The following AFG2A variants were observed in gnomAD, a reference collection of about 807,000 sequenced individuals.
The protein encoded by AFG2A is AAA ATPase AFG2A.
the AFG2A span, among the ~76,000 whole-genome samples, chr4:122,932,057 A>C: frequency 6.6e-6 from 1 of 151,790 alleles, no homozygotes; most frequent in South Asian, 2.1e-4. Context: ...GCCTGAACTT[A>C]GGAGTTCGAG....
the AFG2A span, among the ~76,000 whole-genome samples, chr4:123,043,692 A>C: frequency 6.6e-6 from 1 of 152,320 alleles, no homozygotes; most frequent in South Asian, 2.1e-4. Flanking sequence ...AAGATTAAGA[A>C]ACAAAAAGAA....
chr4:123,241,468 C>T, the AFG2A span, among the ~76,000 whole-genome samples: 2 of 151,396 alleles, frequency 1.3e-5, no homozygotes, highest in Non-Finnish European at 1.5e-5. Context: ...GGATGCAAGG[C>T]TGTTTCAACA....
chr4:123,220,314 T>G, the AFG2A span, among the ~76,000 whole-genome samples: 3 of 152,052 alleles, frequency 2.0e-5, no homozygotes, highest in Non-Finnish European at 2.9e-5. Flanking sequence ...CAAGTAATGC[T>G]TCTAATAAAA....
At chr4:123,250,528 C>G in the AFG2A span, among the ~76,000 whole-genome samples, 1 of 152,060 alleles carries the variant, frequency 6.6e-6, no homozygotes, top group Non-Finnish European at 1.5e-5. Flanking sequence ...GAATTATTTG[C>G]AAAATTGGGA....
chr4:123,001,245 C>CA, the AFG2A span, among the ~76,000 whole-genome samples: 1 of 151,978 alleles, frequency 6.6e-6, no homozygotes. Context: ...TTCATCCTTC[C>CA]AAAAACCAGC....
chr4:122,990,350 T>C, the AFG2A span, among the ~76,000 whole-genome samples: 1 of 152,222 alleles, frequency 6.6e-6, no homozygotes, highest in African/African-American at 2.4e-5. Context: ...TACTCTTTCT[T>C]GCAAAAACTC....
chr4:123,052,807 A>G, the AFG2A span, among the ~76,000 whole-genome samples: 1,848 of 152,304 alleles, frequency 0.012, 42 homozygotes, highest in African/African-American at 0.041. Context: ...CTGAGGAGCA[A>G]TGAAACCAGT....
the AFG2A span, among the ~76,000 whole-genome samples, chr4:123,070,885 T>G: frequency 6.6e-6 from 1 of 152,100 alleles, no homozygotes; most frequent in Non-Finnish European, 1.5e-5. Flanking sequence ...CAATGAAGGT[T>G]TATTGGTTTT....
the AFG2A span, among the ~76,000 whole-genome samples, chr4:123,211,780 C>G: frequency 4.6e-5 from 7 of 152,026 alleles, no homozygotes; most frequent in Non-Finnish European, 1.0e-4. Context: ...CTTCCTGGAC[C>G]TAGAAGAGTA....
the AFG2A span, among the ~76,000 whole-genome samples, chr4:122,979,773 C>T: frequency 6.6e-6 from 1 of 152,132 alleles, no homozygotes; most frequent in Non-Finnish European, 1.5e-5. Context: ...TGGTGGTGTA[C>T]ACCTGTAGTC....
chr4:123,168,649 A>C, the AFG2A span, among the ~76,000 whole-genome samples: 1 of 152,168 alleles, frequency 6.6e-6, no homozygotes, highest in African/African-American at 2.4e-5. Flanking sequence ...AATATTTCAG[A>C]TATATTAGTA....
At chr4:123,133,346 G>A in the AFG2A span, among the ~76,000 whole-genome samples, 1 of 152,192 alleles carries the variant, frequency 6.6e-6, no homozygotes, top group African/African-American at 2.4e-5. Context: ...TGGAAACTGT[G>A]TCAGGCAAGT....
the AFG2A span, among the ~76,000 whole-genome samples, chr4:123,261,077 C>T: frequency 1.3e-5 from 2 of 152,240 alleles, no homozygotes; most frequent in East Asian, 1.9e-4. Context: ...AGTTTCATTC[C>T]GAAACCATCC....
At chr4:123,017,857 A>G in the AFG2A span, among the ~76,000 whole-genome samples, 1 of 152,130 alleles carries the variant, frequency 6.6e-6, no homozygotes, top group Non-Finnish European at 1.5e-5. Context: ...CCCTGGTGGT[A>G]AAAAACTTGG....
chr4:123,271,261 C>A, the AFG2A span, among the ~76,000 whole-genome samples: 1 of 152,090 alleles, frequency 6.6e-6, no homozygotes, highest in Non-Finnish European at 1.5e-5. Context: ...TTGCCGTTTA[C>A]CAAAGATAAA....
At chr4:122,934,978 A>G in the AFG2A span, among the ~76,000 whole-genome samples, 1 of 152,224 alleles carries the variant, frequency 6.6e-6, no homozygotes. Flanking sequence ...GCATATTTCC[A>G]CAATTACCTG....
At chr4:123,085,381 T>C in the AFG2A span, among the ~76,000 whole-genome samples, 1 of 152,216 alleles carries the variant, frequency 6.6e-6, no homozygotes, top group African/African-American at 2.4e-5. Flanking sequence ...TGCTGATTTG[T>C]TGTTAGATGC....
At chr4:123,126,984 C>G in the AFG2A span, among the ~76,000 whole-genome samples, 1 of 152,078 alleles carries the variant, frequency 6.6e-6, no homozygotes, top group African/African-American at 2.4e-5. Flanking sequence ...ATTTTGGGAG[C>G]CTGGGGCAGG....
the AFG2A span, among the ~76,000 whole-genome samples, chr4:122,972,839 T>C: frequency 2.6e-5 from 4 of 152,102 alleles, no homozygotes; most frequent in African/African-American, 9.7e-5. Context: ...TGTCCTAGCA[T>C]AGGGTCAGTT....
Sources: gnomAD v4.1 joint callset for allele counts (sites outside exome capture counted in the v4.1 genomes callset) on GRCh38, gnomAD v4.1.1 for gene constraint, MANE v1.5 for transcripts, NCBI Gene and HGNC (gene_info 2026-07-23, HGNC 2026-07-21) for gene names.